IRAK3: variants seen among roughly 807,000 people sequenced by gnomAD.
IRAK3 encodes the protein interleukin 1 receptor associated kinase 3.
In IRAK3, 57 loss-of-function variants were observed where a neutral mutation model predicts 56.6. The ratio of observed to expected loss-of-function variants is 1.01; its 90% CI spans 0.81 to 1.26. The LOEUF is 1.26. Ranked by LOEUF, IRAK3 falls within the 50% of genes most tolerant of loss-of-function variation. The probability of loss-of-function intolerance (pLI) is 0.00; values close to 1 mark genes in which losing one functional copy is unlikely to be tolerated. For missense variants in IRAK3, 703 were observed against 719.0 expected, an observed-to-expected ratio of 0.98 and a Z score of 0.25; for synonymous variants, 258 against 255.7, an observed-to-expected ratio of 1.01 and a Z score of -0.09.
intron 3 of IRAK3, 146 bp downstream of exon 3, chr12:66,209,666 T>C (rs1235559182): frequency 1.5e-6 from 1 of 675,058 alleles, no homozygotes; most frequent in African/African-American, 1.8e-5. Context: ...CATTATTCTC[T>C]ATTTAGTTGA....
chr12:66,244,728 G>A, intron 9 of IRAK3, 44 bp downstream of exon 9: 16 of 1,511,880 alleles, frequency 1.1e-5, no homozygotes, highest in Non-Finnish European at 1.5e-5. Context: ...TTATTGCCAA[G>A]AATGTTCTAG....
intron 1 of IRAK3, among the ~76,000 whole-genome samples, chr12:66,198,933 A>T (rs905570168): frequency 6.6e-6 from 1 of 151,462 alleles, no homozygotes; most frequent in Non-Finnish European, 1.5e-5. Context: ...TAATTTTTAA[A>T]TTTTTTTAGA....
At chr12:66,190,722 G>C (rs768638674) in intron 1 of IRAK3, among the ~76,000 whole-genome samples, 1 of 152,010 alleles carries the variant, frequency 6.6e-6, no homozygotes, top group South Asian at 2.1e-4. Flanking sequence ...CATTATCATC[G>C]CCAGTGTTTT....
At chr12:66,228,107 T>A (rs2052806688) in intron 7 of IRAK3, 145 bp from the exon 8 acceptor site, 1 of 764,042 alleles carries the variant, frequency 1.3e-6, no homozygotes, top group South Asian at 1.4e-5. Context: ...GAATTAAAAA[T>A]AGGTTTTGGA....
At chr12:66,199,116 A>G (rs1051448428) in intron 1 of IRAK3, among the ~76,000 whole-genome samples, 4 of 152,158 alleles carry the variant, frequency 2.6e-5, no homozygotes, top group African/African-American at 9.7e-5. Context: ...CTGAAATTTG[A>G]TATTTAGAGT....
At chr12:66,197,488 G>A (rs1326178880) in intron 1 of IRAK3, 2 of 985,040 alleles carry the variant, frequency 2.0e-6, no homozygotes, top group South Asian at 4.7e-5. Context: ...ATACTCTTTA[G>A]CAATGTTTCT....
chr12:66,209,243 T>G (rs2052588817), intron 2 of IRAK3, among the ~76,000 whole-genome samples: 1 of 152,180 alleles, frequency 6.6e-6, no homozygotes, highest in African/African-American at 2.4e-5. Context: ...TGAACAAAAG[T>G]ATGTTTGTAT....
chr12:66,224,017 A>G (rs1156862612), intron 6 of IRAK3, among the ~76,000 whole-genome samples: 2 of 152,136 alleles, frequency 1.3e-5, no homozygotes, highest in East Asian at 1.9e-4. Context: ...CAAAAATTCT[A>G]TCGGCATTTT....
rs761201217 is a variant in IRAK3 at position 66,244,641 on chromosome 12, A to G, written c.1043A>G (p.Gln348Arg). 24 of 1,614,008 alleles carry G rather than the reference A, an allele frequency of 1.5e-5. No homozygotes were observed. Among genetic ancestry groups the G allele is most frequent in the East Asian group, 1.1e-4 (5 of 44,880 alleles). The change falls in exon 9 of 12, where the codon CAG becomes CGG. Residue 348 changes from glutamine to arginine, a missense_variant. Physicochemically the swap from Gln to Arg is conservative, Grantham distance 43 (BLOSUM62 1). Coordinates refer to ENST00000261233, the MANE Select transcript of IRAK3 (RefSeq NM_007199.3). ...TACATGCCAGAAGAGTACATCAGAC[A>G]GGGGAAACTTTCCATTAAAACAGAT... ...LWYMPEEYIR[Q>R]GKLSIKTDVY...
chr12:66,198,731 A>G (rs1248385086), intron 1 of IRAK3, among the ~76,000 whole-genome samples: 1 of 151,610 alleles, frequency 6.6e-6, no homozygotes, highest in Non-Finnish European at 1.5e-5. Flanking sequence ...TTAGTCAATT[A>G]ATTTTCTTTT....
chr12:66,203,614 T>C, intron 1 of IRAK3, 97 bp from the exon 2 acceptor site: 2 of 1,108,596 alleles, frequency 1.8e-6, no homozygotes, highest in Non-Finnish European at 2.7e-6. Flanking sequence ...AAAGTTAAAG[T>C]TATAAATAAG....
Position 66,195,392 on chromosome 12 carries a change from G to A in IRAK3, c.133+5960G>A, listed in dbSNP as rs143782161. The stretch of plus-strand genomic sequence containing the variant: ...TGAGTGTCTTTTCAGCCCAGCAGTC[G>A]GCAAGCCTGTGATGCCTGTAAAGCA... On this transcript the variant is annotated intron_variant, in intron 1 of 11. Transcript: ENST00000261233. Among the ~76,000 whole-genome samples the A allele has an allele frequency of 8.1e-4, 124 of 152,240 alleles. No individual in the cohort carries two copies. In the East Asian group the frequency reaches 0.013, roughly 16 times the overall value.
At chr12:66,209,578 A>G (rs2136923627) in intron 3 of IRAK3, 58 bp downstream of exon 3, 1 of 1,076,172 alleles carries the variant, frequency 9.3e-7, no homozygotes, top group Non-Finnish European at 1.5e-6. Context: ...ATAATTGAGC[A>G]TAAGGAATGA....
intron 3 of IRAK3, 144 bp downstream of exon 3, chr12:66,209,664 T>C: frequency 1.5e-6 from 1 of 681,026 alleles, no homozygotes; most frequent in Admixed American, 2.2e-5. Flanking sequence ...CTCATTATTC[T>C]CTATTTAGTT....
chr12:66,220,809 C>G (rs778846126), intron 6 of IRAK3, among the ~76,000 whole-genome samples: 4 of 151,996 alleles, frequency 2.6e-5, no homozygotes, highest in Non-Finnish European at 5.9e-5. Flanking sequence ...CGTGAGCCAC[C>G]GCGCCCGGCC....
At chr12:66,240,258 G>A (rs995039991) in intron 8 of IRAK3, among the ~76,000 whole-genome samples, 3 of 152,158 alleles carry the variant, frequency 2.0e-5, no homozygotes, top group African/African-American at 7.2e-5. Context: ...GGCTTAGGGG[G>A]GTTGTGCTAG....
intron 11 of IRAK3, among the ~76,000 whole-genome samples, chr12:66,245,612 A>G (rs899147427): frequency 1.6e-5 from 2 of 126,746 alleles, no homozygotes; most frequent in Non-Finnish European, 1.5e-5. Context: ...GCCCACTGCA[A>G]CCTCCACCTC....
intron 5 of IRAK3, 32 bp from the exon 6 acceptor site, chr12:66,217,139 T>G: frequency 6.7e-7 from 1 of 1,485,234 alleles, no homozygotes; most frequent in Non-Finnish European, 9.4e-7. Context: ...GATCCTTTCC[T>G]TAATTTTGTT....
chr12:66,208,098 T>G (rs1487912741), intron 2 of IRAK3, among the ~76,000 whole-genome samples: 1 of 152,202 alleles, frequency 6.6e-6, no homozygotes, highest in Non-Finnish European at 1.5e-5. Flanking sequence ...CTTGCTAGTT[T>G]TCTAAGCAAA....
Sources: allele counts gnomAD v4.1 joint callset (sites outside exome capture counted in the v4.1 genomes callset), GRCh38; gene constraint gnomAD v4.1.1; transcripts MANE v1.5; gene names NCBI Gene and HGNC (gene_info 2026-07-23, HGNC 2026-07-21).